Variants in USP49 observed in about 807,000 individuals in gnomAD.
USP49 encodes the protein ubiquitin carboxyl-terminal hydrolase 49.
A neutral mutation model predicts 58.6 loss-of-function variants in USP49; 24 were observed. The ratio of observed to expected loss-of-function variants is 0.41; its 90% CI spans 0.30 to 0.58. USP49 has a LOEUF of 0.58. USP49 is among the 20% of genes least tolerant of loss of function. The probability of loss-of-function intolerance (pLI) is 0.30; values close to 1 mark genes in which losing one functional copy is unlikely to be tolerated. For synonymous variants in USP49, 408 were observed against 365.1 expected, an observed-to-expected ratio of 1.12 and a Z score of -1.34; for missense variants, 703 against 866.1, an observed-to-expected ratio of 0.81 and a Z score of 2.36.
intron 3 of USP49, among the ~76,000 whole-genome samples, chr6:41,841,841 GAGGT>G (rs1480942098): frequency 3.3e-5 from 5 of 152,174 alleles, no homozygotes; most frequent in Non-Finnish European, 5.9e-5. Context: ...TGGATTACCT[GAGGT>G]CAGGAGTTCA....
intron 2 of USP49, among the ~76,000 whole-genome samples, chr6:41,877,529 T>C (rs575246515): frequency 6.6e-6 from 1 of 152,100 alleles, no homozygotes; most frequent in East Asian, 1.9e-4. Flanking sequence ...TATTAATATA[T>C]ACTGCTGGTC....
In USP49 at chr6:41,806,295, G is replaced by T. The variant is rs774097720; in HGVS notation, c.689C>A (p.Pro230His). ...GGCGGCGGGCACTCTGCGTGAGGTA[G>T]GGAGGGCGGCGGGGCGCGAGGCAGC... ...GPAASRPAALPTSRRVPAATL... is the reference protein window; with the variant it reads ...GPAASRPAALHTSRRVPAATL... Residue 230 changes from proline to histidine, a missense_variant, in exon 4 of 8, where the codon CCT becomes CAT. By Grantham distance (77) the Pro-to-His change is moderately conservative. Around this residue, in one of 6 missense-constraint regions of USP49, gnomAD observed 376 missense variants for 373.5 expected, o/e 1.01. Coordinates refer to ENST00000682992, the MANE Select transcript of USP49 (RefSeq NM_001286554.2). This position sits in a 1 kb window ranked among gnomAD's most constrained non-coding sequence, Gnocchi z 5.9. 3.8e-6 allele frequency: 6 copies of T among 1,595,756 alleles called. No homozygotes were observed. The South Asian group carries it at 6.6e-5, about 18-fold the overall frequency.
rs1774498132 is a variant in USP49, at chr6:41,875,964, TTG to T, written c.-102-4329_-102-4328del. Among the ~76,000 whole-genome samples the T allele has an allele frequency of 1.3e-5, 2 of 152,144 alleles. 1 individual carries two copies. Among genetic ancestry groups the T allele is most frequent in the South Asian group, 4.1e-4 (2 of 4,830 alleles). ...TCAGGCTGGTCTCGAACTCCTGACC[TTG>T]TGATCCACCTGCCTCGGCCTCCCAA... On this transcript the variant is annotated intron_variant, in intron 2 of 7. Coordinates refer to ENST00000682992, the MANE Select transcript of USP49 (RefSeq NM_001286554.2).
chr6:41,806,655 G>C lies in USP49; in HGVS notation c.329C>G (p.Pro110Arg). The change falls in exon 4 of 8, where the codon CCG becomes CGG. Residue 110 changes from proline to arginine, a missense_variant. Around this residue, in one of 6 missense-constraint regions of USP49, gnomAD observed 376 missense variants for 373.5 expected, o/e 1.01. Coordinates refer to ENST00000682992, the MANE Select transcript of USP49 (RefSeq NM_001286554.2). The surrounding 1 kb of genome is among the most constrained non-coding windows in gnomAD (Gnocchi z 5.9). Reference protein sequence around the residue: ...LAVRGQKQDTPVRRGRTLRSM... With the variant: ...LAVRGQKQDTRVRRGRTLRSM... ...CCGCAGCGTCCGCCCACGTCTCACC[G>C]GCGTGTCCTGTTTCTGGCCCCGGAC... The C allele has an allele frequency of 6.2e-7, 1 of 1,613,908 alleles. No homozygotes were observed.
intron 3 of USP49, among the ~76,000 whole-genome samples, chr6:41,854,200 C>T (rs1351245037): frequency 6.8e-6 from 1 of 146,208 alleles, no homozygotes; most frequent in African/African-American, 2.6e-5. Flanking sequence ...GCCTGTAGTC[C>T]CAGCTACCCA....
intron 2 of USP49, among the ~76,000 whole-genome samples, chr6:41,883,837 T>C (rs1774659646): frequency 1.3e-5 from 2 of 151,708 alleles, no homozygotes; most frequent in African/African-American, 4.9e-5. Context: ...TTCTCAAACA[T>C]GTCCACTCCT....
chr6:41,846,288 G>A (rs1773922266), intron 3 of USP49, among the ~76,000 whole-genome samples: 1 of 152,138 alleles, frequency 6.6e-6, no homozygotes, highest in Admixed American at 6.6e-5. Flanking sequence ...CTGCACTCCA[G>A]CCTGGGTGAC....
At chr6:41,836,643 A>T (rs1157556112) in intron 3 of USP49, among the ~76,000 whole-genome samples, 2 of 152,200 alleles carry the variant, frequency 1.3e-5, no homozygotes, top group African/African-American at 4.8e-5. Flanking sequence ...AGAAAAAGTA[A>T]ATCGATAAAT....
intron 3 of USP49, among the ~76,000 whole-genome samples, chr6:41,870,456 A>C (rs577273518): frequency 5.9e-5 from 9 of 152,318 alleles, no homozygotes; most frequent in Middle Eastern, 3.4e-3. Flanking sequence ...TTTTTAAATT[A>C]TTGACATGAA....
intron 3 of USP49, among the ~76,000 whole-genome samples, chr6:41,810,172 T>TA (rs1373713565): frequency 8.3e-5 from 12 of 144,244 alleles, no homozygotes; most frequent in East Asian, 4.2e-4. Flanking sequence ...TAAATAAAAA[T>TA]AAAAAAATAA....
At chr6:41,877,855 C>A (rs140486464) in intron 2 of USP49, among the ~76,000 whole-genome samples, 1 of 152,202 alleles carries the variant, frequency 6.6e-6, no homozygotes, top group Non-Finnish European at 1.5e-5. Context: ...GCCACCACCA[C>A]GCTGGGCTGA....
At chr6:41,812,632 G>C (rs1295402591) in intron 3 of USP49, among the ~76,000 whole-genome samples, 1 of 151,996 alleles carries the variant, frequency 6.6e-6, no homozygotes, top group Non-Finnish European at 1.5e-5. Flanking sequence ...GGCGGAGCTT[G>C]CAGTGAGCCG....
intron 3 of USP49, among the ~76,000 whole-genome samples, chr6:41,847,119 T>C (rs1289775464): frequency 6.6e-6 from 1 of 152,148 alleles, no homozygotes; most frequent in Non-Finnish European, 1.5e-5. Flanking sequence ...CAGCAAGAGA[T>C]TATAAGGCAT....
Position 41,804,023 on chromosome 6 carries a change from G to A in USP49, c.1357-13C>T, listed in dbSNP as rs1184849591. Reference sequence around the variant, plus strand: ...ATATACATGTGACCTAGAATGAAAAGATTGATTTACAGATTATATAACTTC... The same window carrying A: ...ATATACATGTGACCTAGAATGAAAAAATTGATTTACAGATTATATAACTTC... On this transcript the variant is annotated splice_polypyrimidine_tract_variant and intron_variant, in intron 4 of 7. Transcript: ENST00000682992. 6.2e-7 allele frequency: 1 copy of A among 1,611,342 alleles called. No individual in the cohort carries two copies. Among genetic ancestry groups the A allele is most frequent in the Non-Finnish European group, 8.5e-7 (1 of 1,178,462 alleles).
intron 3 of USP49, among the ~76,000 whole-genome samples, chr6:41,825,040 A>G (rs182323595): frequency 1.6e-4 from 25 of 152,352 alleles, no homozygotes; most frequent in African/African-American, 5.3e-4. Context: ...AGAATCAAAC[A>G]GGCTGACCAC....
intron 3 of USP49, among the ~76,000 whole-genome samples, chr6:41,843,895 T>C (rs1300381481): frequency 6.6e-6 from 1 of 152,036 alleles, no homozygotes; most frequent in Non-Finnish European, 1.5e-5. Flanking sequence ...AATACAAAAA[T>C]TAGCCATGCC....
intron 3 of USP49, among the ~76,000 whole-genome samples, chr6:41,871,071 A>G (rs1196166717): frequency 6.6e-6 from 1 of 151,994 alleles, no homozygotes; most frequent in East Asian, 1.9e-4. Flanking sequence ...AAATAAATAA[A>G]AGAATTCCGG....
chr6:41,864,905 T>G (rs1323686446), intron 3 of USP49, among the ~76,000 whole-genome samples: 9 of 152,260 alleles, frequency 5.9e-5, no homozygotes, highest in African/African-American at 2.2e-4. Context: ...AAAACTCTAT[T>G]AAATAAATTA....
intron 3 of USP49, among the ~76,000 whole-genome samples, chr6:41,852,085 G>T (rs1310653222): frequency 2.6e-5 from 4 of 152,046 alleles, no homozygotes; most frequent in Non-Finnish European, 5.9e-5. Context: ...CAGCACTTTG[G>T]GTGGACGAGG....
Sources: gnomAD v4.1 joint callset for allele counts (sites outside exome capture counted in the v4.1 genomes callset) on GRCh38, gnomAD v4.1.1 for gene constraint, gnomAD v4.1.1 regional missense constraint, Gnocchi (gnomAD v3.1) non-coding constraint, MANE v1.5 for transcripts, NCBI Gene and HGNC (gene_info 2026-07-23, HGNC 2026-07-21) for gene names.